ABI3BP: variants seen among roughly 807,000 people sequenced by gnomAD.
The protein encoded by ABI3BP is ABI family member 3 binding protein.
ABI3BP carries 216 observed loss-of-function variants against 268.6 expected under a neutral mutation model. The observed-to-expected ratio is 0.80, with a 90% CI of 0.72 to 0.90. The LOEUF is 0.90. ABI3BP is among the 40% of genes least tolerant of loss of function. ABI3BP has a pLI of 0.00. For synonymous variants in ABI3BP, 730 were observed against 730.0 expected (o/e 1.00, Z 0.00); for missense variants, 2,090 against 2,182.4 (o/e 0.96, Z 0.84).
At chr3:100,792,050 C>A (rs188845756) in intron 55 of ABI3BP, among the ~76,000 whole-genome samples, 69 of 151,702 alleles carry the variant, frequency 4.5e-4, no homozygotes, top group Non-Finnish European at 6.6e-4. Context: ...AGTGTTATAA[C>A]CTAAGTAGGA....
intron 14 of ABI3BP, among the ~76,000 whole-genome samples, chr3:100,859,290 T>C (rs538043477): frequency 5.9e-5 from 9 of 152,276 alleles, no homozygotes; most frequent in Admixed American, 2.0e-4. Flanking sequence ...ATGTCATTAA[T>C]ACCAGTTAAA....
At chr3:100,756,776 G>GT (rs66981610) in intron 63 of ABI3BP, among the ~76,000 whole-genome samples, 70,010 of 130,362 alleles carry the variant, frequency 0.54, 20,575 homozygotes, top group Non-Finnish European at 0.68. Context: ...TACTTTTTGG[G>GT]TTTTTTTTTT....
At chr3:100,756,078 T>C (rs1027924513) in intron 63 of ABI3BP, among the ~76,000 whole-genome samples, 1 of 152,244 alleles carries the variant, frequency 6.6e-6, no homozygotes, top group East Asian at 1.9e-4. Context: ...AACCATTTTC[T>C]GAATGCTTAC....
intron 1 of ABI3BP, among the ~76,000 whole-genome samples, chr3:100,964,464 C>T (rs1403595604): frequency 1.3e-5 from 2 of 152,202 alleles, no homozygotes; most frequent in African/African-American, 4.8e-5. Flanking sequence ...ATGGAGAGCG[C>T]TGTTGTTCTT....
chr3:100,796,503 TA>T (rs1188346678), intron 51 of ABI3BP, 35 bp from the exon 52 acceptor site: 2 of 1,516,320 alleles, frequency 1.3e-6, no homozygotes, highest in Admixed American at 3.8e-5. Context: ...CTGCATACTC[TA>T]AATAACCCAA....
chr3:100,876,700 C>G lies in ABI3BP; in HGVS notation c.697-140G>C, dbSNP rs777185018. The G allele has an allele frequency of 3.1e-5, 22 of 700,136 alleles. No homozygotes were observed. In the African/African-American group the frequency reaches 3.8e-4, roughly 12 times the overall value. 43.4% of individuals were successfully genotyped at this position (700,136 alleles called of 1,614,324 possible). A position where few individuals can be genotyped will look rare whatever the true frequency, so the allele number is the denominator to read the frequency against. ...ACACTGGTTTAATAGTTGCTGGTGG[C>G]GGGGCGTGGTGGCTCACACCTGTAA... On this transcript the variant is annotated intron_variant, in intron 6 of 67. Coordinates refer to ENST00000471714, the MANE Select transcript of ABI3BP (RefSeq NM_001375547.2).
At chr3:100,780,463 C>T (rs974335295) in intron 57 of ABI3BP, among the ~76,000 whole-genome samples, 1 of 152,140 alleles carries the variant, frequency 6.6e-6, no homozygotes, top group African/African-American at 2.4e-5. Flanking sequence ...TTTCATGAAA[C>T]TCATCCTGCA....
chr3:100,918,596 T>G (rs2059373083), intron 2 of ABI3BP, among the ~76,000 whole-genome samples: 1 of 152,010 alleles, frequency 6.6e-6, no homozygotes, highest in African/African-American at 2.4e-5. Flanking sequence ...GAAATGGCCT[T>G]GTGTACAGTA....
intron 49 of ABI3BP, among the ~76,000 whole-genome samples, chr3:100,808,857 T>C (rs1020705502): frequency 2.0e-5 from 3 of 152,140 alleles, no homozygotes; most frequent in African/African-American, 4.8e-5. Context: ...CAAAAAAAAT[T>C]GAAAAATCTA....
At chr3:100,890,084 T>C (rs1344701692) in intron 4 of ABI3BP, among the ~76,000 whole-genome samples, 1 of 152,172 alleles carries the variant, frequency 6.6e-6, no homozygotes, top group East Asian at 1.9e-4. Flanking sequence ...TGAATTACAC[T>C]AAGTGAAGAA....
chr3:100,960,498 T>C (rs1156540666), intron 1 of ABI3BP, among the ~76,000 whole-genome samples: 1 of 152,170 alleles, frequency 6.6e-6, no homozygotes, highest in South Asian at 2.1e-4. Flanking sequence ...AACTGGAAGA[T>C]GACCGTGGCA....
At chr3:100,905,842 C>T (rs1040298984) in intron 2 of ABI3BP, among the ~76,000 whole-genome samples, 11 of 151,888 alleles carry the variant, frequency 7.2e-5, no homozygotes, top group Non-Finnish European at 1.3e-4. Context: ...ACTAAGACAT[C>T]AAATAGTAAA....
chr3:100,929,288 A>C (rs1370594806), intron 1 of ABI3BP, among the ~76,000 whole-genome samples: 1 of 152,110 alleles, frequency 6.6e-6, no homozygotes, highest in Non-Finnish European at 1.5e-5. Flanking sequence ...GGGAAAGTGG[A>C]AAAGATGGCT....
chr3:100,777,417 C>G (rs1408566461), intron 59 of ABI3BP, among the ~76,000 whole-genome samples: 1 of 152,170 alleles, frequency 6.6e-6, no homozygotes, highest in African/African-American at 2.4e-5. Context: ...CCTTTATTCA[C>G]TTTGTTATTA....
chr3:100,841,847 G>A (rs894282257), intron 21 of ABI3BP, 151 bp downstream of exon 21: 2 of 606,392 alleles, frequency 3.3e-6, no homozygotes, highest in Admixed American at 3.0e-5. Context: ...CTGAGATCAC[G>A]CCACTGCACT....
chr3:100,965,568 G>A (rs1350085441), intron 1 of ABI3BP, among the ~76,000 whole-genome samples: 1 of 151,734 alleles, frequency 6.6e-6, no homozygotes, highest in African/African-American at 2.4e-5. Flanking sequence ...GTAAGGAAAG[G>A]ACTGAGTTTA....
At chr3:100,808,847 CA>C (rs1373368341) in intron 49 of ABI3BP, among the ~76,000 whole-genome samples, 1 of 150,894 alleles carries the variant, frequency 6.6e-6, no homozygotes, top group South Asian at 2.1e-4. Context: ...TTTTCTTCAC[CA>C]AAAAAAATTG....
chr3:100,775,477 T>C, intron 59 of ABI3BP, 142 bp from the exon 60 acceptor site: 1 of 1,076,394 alleles, frequency 9.3e-7, no homozygotes, highest in South Asian at 1.5e-5. Context: ...AAACAAGACC[T>C]GATTCTTGGT....
At chr3:100,854,188 T>TA (rs56306514) in intron 14 of ABI3BP, among the ~76,000 whole-genome samples, 3,014 of 128,906 alleles carry the variant, frequency 0.023, 73 homozygotes, top group African/African-American at 0.068. Flanking sequence ...CTGTCTCTAC[T>TA]AAAAAAAAAA....
Sources: allele counts gnomAD v4.1 joint callset (sites outside exome capture counted in the v4.1 genomes callset), GRCh38; gene constraint gnomAD v4.1.1; transcripts MANE v1.5; gene names NCBI Gene and HGNC (gene_info 2026-07-23, HGNC 2026-07-21).